Variants in LRFN1 observed in about 807,000 individuals in gnomAD.
The protein encoded by LRFN1 is leucine rich repeat and fibronectin type III domain containing 1, also known as leucine-rich repeat and fibronectin type III domain-containing protein 1.
In LRFN1, 20 loss-of-function variants were observed where a neutral mutation model predicts 31.8. The ratio of observed to expected loss-of-function variants is 0.63; its 90% CI spans 0.44 to 0.91. LRFN1 has a LOEUF of 0.91. Among genes scored for constraint, LRFN1 ranks in the 40% least tolerant of loss-of-function variants. The pLI, the probability that LRFN1 is intolerant of heterozygous loss-of-function variation, is 0.00. For missense variants in LRFN1, 912 were observed against 1,129.8 expected (o/e 0.81, Z 2.76); for synonymous variants, 514 against 541.3 (o/e 0.95, Z 0.70).
chr19:39,314,100 T>C lies in LRFN1; in HGVS notation c.1237A>G (p.Thr413Ala). ...LTEPGSSDIA[T>A]PGRPGANDSA... ...TCGTTGGCACCTGGTCTGCCCGGCG[T>C]GGCGATGTCAGAGGAGCCGGGCTCG... Residue 413 changes from threonine to alanine, a missense_variant, in exon 4 of 5, where the codon ACG (threonine) becomes GCG (alanine). Thr to Ala is a moderately conservative substitution (Grantham distance 58). Coordinates refer to ENST00000248668, the MANE Select transcript of LRFN1 (RefSeq NM_020862.2). The C allele has an allele frequency of 6.2e-7, 1 of 1,612,396 alleles. No individual in the cohort carries two copies. Among genetic ancestry groups the C allele is most frequent in the Non-Finnish European group, 8.5e-7 (1 of 1,179,348 alleles).
chr19:39,307,475 C>T lies in LRFN1; in HGVS notation c.*158G>A. ...TGGGCACGGGGGCGTGGCCTCGAGCCGCAGCCCGAGGCTGCCCCGCCCCCT... is the reference window on the plus strand; with the variant it reads ...TGGGCACGGGGGCGTGGCCTCGAGCTGCAGCCCGAGGCTGCCCCGCCCCCT... On this transcript the variant is annotated 3_prime_UTR_variant, in exon 5 of 5. Coordinates refer to ENST00000248668, the MANE Select transcript of LRFN1 (RefSeq NM_020862.2). This position sits in a 1 kb window ranked among gnomAD's most constrained non-coding sequence, Gnocchi z 6.7. 1.2e-6 allele frequency: 1 copy of T among 811,440 alleles called. No homozygotes were observed. The allele number at this position is 811,440 out of a possible 1,614,324, so 50.3% of individuals were successfully genotyped here.
intron 2 of LRFN1, among the ~76,000 whole-genome samples, chr19:39,318,019 T>C (rs2075176992): frequency 1.3e-5 from 2 of 152,090 alleles, no homozygotes; most frequent in African/African-American, 4.8e-5. Context: ...TTTACTGATA[T>C]CATGAGGAAA....
chr19:39,320,305 GACACACAC>G (rs35232910), intron 1 of LRFN1, among the ~76,000 whole-genome samples: 121 of 134,724 alleles, frequency 9.0e-4, no homozygotes, highest in African/African-American at 8.3e-4. Context: ...ACAACCCGCA[GACACACAC>G]ACACACACAC....
intron 1 of LRFN1, among the ~76,000 whole-genome samples, chr19:39,319,778 T>G (rs1463414567): frequency 6.6e-6 from 1 of 151,498 alleles, no homozygotes; most frequent in Non-Finnish European, 1.5e-5. Flanking sequence ...CATCCTGCCC[T>G]CCACACCCCC....
At position 39,313,989 on chromosome 19, in the gene LRFN1, C is replaced by T; in HGVS notation, c.1348G>A (p.Gly450Arg). 6.2e-7 allele frequency: 1 copy of T among 1,609,626 alleles called. No homozygotes were observed. The highest frequency in any genetic ancestry group is 8.5e-7 in the Non-Finnish European group (1 of 1,178,700). The change falls in exon 4 of 5, where the codon GGA becomes AGA. Residue 450 changes from glycine to arginine, a missense_variant. Gly to Arg is a moderately radical substitution (Grantham distance 125). Around this residue, in one of 2 missense-constraint regions of LRFN1, gnomAD observed 511 missense variants for 557.0 expected, o/e 0.92. Transcript: ENST00000248668. ...TACTGAACCTGGTACATGCGTATTC[C>T]GGGCACAGGCCTCTGGGCTGGCCAG... ...IRWPAQRPVPGIRMYQVQYNS... is the reference protein window; with the variant it reads ...IRWPAQRPVPRIRMYQVQYNS...
At position 39,320,744 on chromosome 19, in the gene LRFN1, C is replaced by T. The variant is rs2075186087; in HGVS notation, c.-126+49G>A. 5 of 148,544 alleles carry T rather than the reference C, an allele frequency of 3.4e-5. No homozygotes were observed. The South Asian group carries it at 8.8e-4, about 26-fold the overall frequency. The allele number at this position is 148,544 out of a possible 1,614,324, so 9.2% of individuals were successfully genotyped here. ...GCTCGCACGCTCACACCCGCGCACA[C>T]ACCCGCGCCCCCGCCCGCCGCTCCC... On this transcript the variant is annotated intron_variant, in intron 1 of 4. Coordinates refer to ENST00000248668, the MANE Select transcript of LRFN1 (RefSeq NM_020862.2).
Position 39,315,206 on chromosome 19 carries a change from G to A in LRFN1, c.131C>T (p.Ala44Val), listed in dbSNP as rs766471094. 1.9e-6 allele frequency: 3 copies of A among 1,578,974 alleles called. No individual in the cohort carries two copies. Among genetic ancestry groups the A allele is most frequent in the South Asian group, 1.1e-5 (1 of 87,986 alleles). Residue 44 changes from alanine to valine, a missense_variant, in exon 4 of 5, where the codon GCG (alanine) becomes GTG (valine). Ala to Val is a moderately conservative substitution (Grantham distance 64). Transcript: ENST00000248668. The surrounding 1 kb of genome is among the most constrained non-coding windows in gnomAD (Gnocchi z 4.7). Reference sequence around the variant, plus strand: ...GGCGCACAGCATTGTCAGTGTGGGCGCCACGTTCTGGCAGATGCAGCGGCC... The same window carrying A: ...GGCGCACAGCATTGTCAGTGTGGGCACCACGTTCTGGCAGATGCAGCGGCC... The part of the protein sequence containing the change: ...CPGRCICQNV[A>V]PTLTMLCAKT...
At chr19:39,319,312 AACAC>A (rs137961088) in intron 1 of LRFN1, among the ~76,000 whole-genome samples, 2 of 152,056 alleles carry the variant, frequency 1.3e-5, no homozygotes, top group Non-Finnish European at 2.9e-5. Context: ...ACATCTAACA[AACAC>A]ACACACACCT....
chr19:39,314,686 C>A lies in LRFN1; in HGVS notation c.651G>T (p.Met217Ile). ...GGAGTTTATGCAGGCGGTTGGAGGT[C>A]ATGTCCAGACGGACCAGCTTGTGAA... ...VQLHKLVRLD[M>I]TSNRLHKLPP... The change falls in exon 4 of 5, where the codon ATG becomes ATT. Residue 217 changes from methionine (M) to isoleucine (I), a missense_variant. Coordinates refer to ENST00000248668, the MANE Select transcript of LRFN1 (RefSeq NM_020862.2). 4 of 1,613,014 alleles carry A rather than the reference C, an allele frequency of 2.5e-6. No homozygotes were observed. Among genetic ancestry groups the A allele is most frequent in the Non-Finnish European group, 3.4e-6 (4 of 1,179,344 alleles).
intron 2 of LRFN1, among the ~76,000 whole-genome samples, chr19:39,316,947 C>T (rs1239798397): frequency 6.6e-6 from 1 of 152,090 alleles, no homozygotes; most frequent in East Asian, 1.9e-4. Context: ...TTTGGGGCTA[C>T]GGCCTTAGGT....
intron 2 of LRFN1, among the ~76,000 whole-genome samples, chr19:39,316,820 C>A (rs142248950): frequency 1.1e-3 from 166 of 152,296 alleles, no homozygotes; most frequent in African/African-American, 3.7e-3. Context: ...CCCATCACAA[C>A]ACAGGGTGGG....
intron 1 of LRFN1, among the ~76,000 whole-genome samples, chr19:39,320,549 G>A (rs1047578144): frequency 4.6e-5 from 7 of 151,976 alleles, no homozygotes; most frequent in Non-Finnish European, 1.0e-4. Flanking sequence ...CGGAGGGGCG[G>A]CCGCTCGGGG....
Position 39,314,965 on chromosome 19 carries a change from G to A in LRFN1, c.372C>T (p.Arg124=). ...GCTGGTCGCCGCGCACCTCCGCCAGGCGGTTGCTGTCCAGGTGCAGGGCCC... is the reference window on the plus strand; with the variant it reads ...GCTGGTCGCCGCGCACCTCCGCCAGACGGTTGCTGTCCAGGTGCAGGGCCC... The part of the protein sequence containing the change: ...ALRALHLDSN[R]LAEVRGDQLR... Residue 124 remains arginine, a synonymous_variant, in exon 4 of 5, where the codon CGC becomes CGT. Coordinates refer to ENST00000248668, the MANE Select transcript of LRFN1 (RefSeq NM_020862.2). The A allele has an allele frequency of 3.1e-6, 5 of 1,593,604 alleles. No individual in the cohort carries two copies. The highest frequency in any genetic ancestry group is 3.4e-6 in the Non-Finnish European group (4 of 1,174,696).
chr19:39,320,336 A>G (rs887587567), intron 1 of LRFN1, among the ~76,000 whole-genome samples: 1 of 151,160 alleles, frequency 6.6e-6, no homozygotes, highest in Non-Finnish European at 1.5e-5. Flanking sequence ...ACACACACAC[A>G]CACACAAATG....
At chr19:39,309,172 T>C (rs2075141735) in intron 4 of LRFN1, among the ~76,000 whole-genome samples, 1 of 152,204 alleles carries the variant, frequency 6.6e-6, no homozygotes, top group South Asian at 2.1e-4. Flanking sequence ...ACATCTAGCT[T>C]TGGCCGGCTG....
In LRFN1 at chr19:39,315,683, G is replaced by C. The variant is rs2075170005; in HGVS notation, c.-37-310C>G. Among the ~76,000 whole-genome samples, 1 of 152,132 alleles carries C rather than the reference G, an allele frequency of 6.6e-6. No homozygotes were observed. Among genetic ancestry groups the C allele is most frequent in the Non-Finnish European group, 1.5e-5 (1 of 68,030 alleles). On this transcript the variant is annotated intron_variant, in intron 3 of 4. Coordinates refer to ENST00000248668, the MANE Select transcript of LRFN1 (RefSeq NM_020862.2). This position sits in a 1 kb window ranked among gnomAD's most constrained non-coding sequence, Gnocchi z 4.7. ...AAAATACAAAAATTAGCTGGGCATGGTGGTGGGCGCCTGTAATCCCAGCTA... is the reference window on the plus strand; with the variant it reads ...AAAATACAAAAATTAGCTGGGCATGCTGGTGGGCGCCTGTAATCCCAGCTA...
In LRFN1 at chr19:39,308,304, G is replaced by T. The variant is rs375124004; in HGVS notation, c.1645C>A (p.Leu549Ile). The T allele has an allele frequency of 1.9e-6, 3 of 1,613,332 alleles. No homozygotes were observed. The highest frequency in any genetic ancestry group is 2.5e-6 in the Non-Finnish European group (3 of 1,179,674). ...AIGGVIVASV[L>I]VFIVLLMIRY... ...ATCATGAGCAGAACGATGAAGACGAGGACCGAGGCGACGATGACGCCCCCG... is the reference window on the plus strand; with the variant it reads ...ATCATGAGCAGAACGATGAAGACGATGACCGAGGCGACGATGACGCCCCCG... The change falls in exon 5 of 5, where the codon CTC (leucine) becomes ATC (isoleucine). Residue 549 changes from leucine to isoleucine, a missense_variant. Transcript: ENST00000248668. This position sits in a 1 kb window ranked among gnomAD's most constrained non-coding sequence, Gnocchi z 6.2.
intron 1 of LRFN1, among the ~76,000 whole-genome samples, chr19:39,319,231 CT>C (rs1299299388): frequency 6.6e-6 from 1 of 152,128 alleles, no homozygotes; most frequent in African/African-American, 2.4e-5. Context: ...CATGTGCCCC[CT>C]AACAGACAAC....
chr19:39,320,816 C>G lies in LRFN1; in HGVS notation c.-149G>C, dbSNP rs543838759. ...ACCCAGCCCGGGGGGGCCCCGGGCC[C>G]GGCCCCGCCGCCGCTGCCTCGCTCC... On this transcript the variant is annotated 5_prime_UTR_variant, in exon 1 of 5. Transcript: ENST00000248668. The G allele has an allele frequency of 1.4e-5, 2 of 147,010 alleles. No homozygotes were observed. The highest frequency in any genetic ancestry group is 1.8e-4 in the South Asian group (1 of 5,620). 9.1% of individuals were successfully genotyped at this position (147,010 alleles called of 1,614,324 possible). A position where few individuals can be genotyped will look rare whatever the true frequency, so the allele number is the denominator to read the frequency against.
Sources: gnomAD v4.1 joint callset for allele counts (sites outside exome capture counted in the v4.1 genomes callset) on GRCh38, gnomAD v4.1.1 for gene constraint, gnomAD v4.1.1 regional missense constraint, Gnocchi (gnomAD v3.1) non-coding constraint, MANE v1.5 for transcripts, NCBI Gene and HGNC (gene_info 2026-07-23, HGNC 2026-07-21) for gene names.